Variants in PPP5C observed in about 807,000 individuals in gnomAD.
PPP5C encodes the protein protein phosphatase 5 catalytic subunit.
PPP5C carries 21 observed loss-of-function variants against 66.7 expected under a neutral mutation model. That is an observed-to-expected ratio of 0.31 (90% CI 0.22 to 0.45). The LOEUF (loss-of-function observed/expected upper bound fraction) is 0.45, where lower values mean the gene tolerates loss of function less well. Among genes scored for constraint, PPP5C ranks in the 20% least tolerant of loss-of-function variants. The probability of loss-of-function intolerance (pLI) is 1.00; values close to 1 mark genes in which losing one functional copy is unlikely to be tolerated. For missense variants in PPP5C, 464 were observed against 675.9 expected (o/e 0.69, Z 3.48); for synonymous variants, 246 against 257.4 (o/e 0.96, Z 0.43).
chr19:46,351,982 C>G (rs1972194558), intron 1 of PPP5C, among the ~76,000 whole-genome samples: 1 of 152,236 alleles, frequency 6.6e-6, no homozygotes, highest in Non-Finnish European at 1.5e-5. Flanking sequence ...TAGATTGTTG[C>G]TGGCCACATC....
rs574884152 is a variant in PPP5C at position 46,378,830 on chromosome 19, T to C, written c.633+2256T>C. 9.6e-4 allele frequency among the ~76,000 whole-genome samples: 146 copies of C among 152,356 alleles called. 1 individual carries two copies. The highest frequency in any genetic ancestry group is 3.3e-3 in the African/African-American group (138 of 41,588). ...TTGGTATCTTTATATTTAAAATGTT[T>C]TTCTTATAAACAGCATATACTTGGG... On this transcript the variant is annotated intron_variant, in intron 4 of 12. Coordinates refer to ENST00000012443, the MANE Select transcript of PPP5C (RefSeq NM_006247.4).
At chr19:46,367,103 AC>A (rs1203997720) in intron 2 of PPP5C, among the ~76,000 whole-genome samples, 5 of 152,152 alleles carry the variant, frequency 3.3e-5, no homozygotes, top group Non-Finnish European at 7.4e-5. Context: ...AGGCTATATA[AC>A]TGCATTCACT....
At chr19:46,359,139 A>G (rs1972337917) in intron 2 of PPP5C, among the ~76,000 whole-genome samples, 1 of 152,102 alleles carries the variant, frequency 6.6e-6, no homozygotes, top group African/African-American at 2.4e-5. Flanking sequence ...GGCCTGTTCT[A>G]TGTTGGGGAG....
rs753540087 is a variant in PPP5C, at chr19:46,388,698, G to T, written c.1322G>T (p.Arg441Leu). 3 of 1,613,948 alleles carry T rather than the reference G, an allele frequency of 1.9e-6. No individual in the cohort carries two copies. The highest frequency in any genetic ancestry group is 2.5e-6 in the Non-Finnish European group (3 of 1,180,012). Reference sequence around the variant, plus strand: ...GGCTACGAGGTGGCTCACGGAGGCCGCTGTGTCACCGTCTTCTCTGCCCCC... The same window carrying T: ...GGCTACGAGGTGGCTCACGGAGGCCTCTGTGTCACCGTCTTCTCTGCCCCC... ...AEGYEVAHGG[R>L]CVTVFSAPNY... is the part of the protein sequence containing the mutation. Residue 441 changes from arginine to leucine, a missense_variant, in exon 11 of 13, where the codon CGC becomes CTC. Arg to Leu is a moderately radical substitution (Grantham distance 102). Transcript: ENST00000012443. The surrounding 1 kb of genome is among the most constrained non-coding windows in gnomAD (Gnocchi z 4.9).
Position 46,390,530 on chromosome 19 carries a change from AG to A in PPP5C, c.*187del. 1.4e-6 allele frequency: 2 copies of A among 1,420,594 alleles called. No homozygotes were observed. Among genetic ancestry groups the A allele is most frequent in the South Asian group, 1.4e-5 (1 of 70,948 alleles). The allele number at this position is 1,420,594 out of a possible 1,614,324, so 88.0% of individuals were successfully genotyped here. A position where few individuals can be genotyped will look rare whatever the true frequency, so the allele number is the denominator to read the frequency against. Reference sequence around the variant, plus strand: ...AGGGGCAGAGTCAGGGGCTGGCCAGAGGGTCTGCTCCCTGGACAGAGAGGAA... The same window carrying A: ...AGGGGCAGAGTCAGGGGCTGGCCAGAGGTCTGCTCCCTGGACAGAGAGGAA... On this transcript the variant is annotated 3_prime_UTR_variant, in exon 13 of 13. Transcript: ENST00000012443.
At chr19:46,387,551 C>G in intron 9 of PPP5C, 98 bp downstream of exon 9, 7 of 1,599,834 alleles carry the variant, frequency 4.4e-6, no homozygotes, top group Non-Finnish European at 6.0e-6. Context: ...GGGCTTTGTG[C>G]CCTTGGCAAG....
chr19:46,351,710 C>T (rs1396752608), intron 1 of PPP5C, among the ~76,000 whole-genome samples: 1 of 152,246 alleles, frequency 6.6e-6, no homozygotes. Context: ...TCGGTCAGAT[C>T]TGGGCTGCCC....
At chr19:46,384,380 G>A (rs919925410) in intron 6 of PPP5C, 4 of 253,100 alleles carry the variant, frequency 1.6e-5, no homozygotes, top group East Asian at 9.1e-5. Context: ...GTATTTCCCC[G>A]TGTTATGGTA....
intron 1 of PPP5C, among the ~76,000 whole-genome samples, chr19:46,350,986 G>A (rs976540478): frequency 6.6e-6 from 1 of 152,164 alleles, no homozygotes; most frequent in Non-Finnish European, 1.5e-5. Context: ...CCTGGGGGCA[G>A]AGCCTCGTCC....
At position 46,353,989 on chromosome 19, in the gene PPP5C, G is replaced by A. The variant is rs1305514355; in HGVS notation, c.363G>A (p.Thr121=). 2 of 1,610,780 alleles carry A rather than the reference G, an allele frequency of 1.2e-6. No homozygotes were observed. Among genetic ancestry groups the A allele is most frequent in the East Asian group, 2.2e-5 (1 of 44,762 alleles). Residue 121 remains threonine, a splice_region_variant and synonymous_variant, in exon 2 of 13, where the codon ACG becomes ACA. Transcript: ENST00000012443. ...GGGCCGCGCTGCGAGACTACGAGACGGTGAGCTGGGGAGTGGGCCAGGCCT... is the reference window on the plus strand; with the variant it reads ...GGGCCGCGCTGCGAGACTACGAGACAGTGAGCTGGGGAGTGGGCCAGGCCT... ...KFRAALRDYE[T]VVKVKPHDKD...
chr19:46,366,583 C>T (rs1972495319), intron 2 of PPP5C, among the ~76,000 whole-genome samples: 1 of 152,096 alleles, frequency 6.6e-6, no homozygotes, highest in Non-Finnish European at 1.5e-5. Context: ...TGGACTTCTG[C>T]CTCAGCCTCC....
At chr19:46,387,278 C>T in intron 8 of PPP5C, 43 bp downstream of exon 8, 1 of 1,613,656 alleles carries the variant, frequency 6.2e-7, no homozygotes, top group Non-Finnish European at 8.5e-7. Flanking sequence ...CCCACCCAGC[C>T]ACACCTGGGC....
chr19:46,353,710 T>C, intron 1 of PPP5C, 38 bp from the exon 2 acceptor site: 1 of 1,612,712 alleles, frequency 6.2e-7, no homozygotes, highest in Non-Finnish European at 8.5e-7. Flanking sequence ...CTCGCAGGGT[T>C]GGAGCACTGC....
intron 1 of PPP5C, 44 bp from the exon 2 acceptor site, chr19:46,353,704 C>G: frequency 1.2e-6 from 2 of 1,610,474 alleles, no homozygotes; most frequent in Non-Finnish European, 1.7e-6. Flanking sequence ...CCTGTCCTCG[C>G]AGGGTTGGAG....
intron 2 of PPP5C, among the ~76,000 whole-genome samples, chr19:46,375,258 C>T (rs1439656183): frequency 6.6e-6 from 1 of 152,188 alleles, no homozygotes; most frequent in Admixed American, 6.5e-5. Flanking sequence ...TTGGTAGTCA[C>T]GATAGTAGCA....
intron 2 of PPP5C, among the ~76,000 whole-genome samples, chr19:46,359,442 T>TAAAAAC (rs1420843169): frequency 7.2e-5 from 11 of 152,206 alleles, no homozygotes; most frequent in Non-Finnish European, 1.3e-4. Context: ...GGGAGCCAGC[T>TAAAAAC]AAAAACATGA....
rs1972966683 is a variant in PPP5C at position 46,389,434 on chromosome 19, CACACACACACACACACACACACACA to C, written c.1356-616_1356-592del. Among the ~76,000 whole-genome samples the C allele has an allele frequency of 2.4e-4, 21 of 86,582 alleles. 2 individuals carry two copies. Among genetic ancestry groups the C allele is most frequent in the African/African-American group, 8.9e-4 (18 of 20,156 alleles). The allele number at this position is 86,582 out of a possible 152,430, so 56.8% of individuals were successfully genotyped here. A position where few individuals can be genotyped will look rare whatever the true frequency, so the allele number is the denominator to read the frequency against. On this transcript the variant is annotated intron_variant, in intron 11 of 12. Coordinates refer to ENST00000012443, the MANE Select transcript of PPP5C (RefSeq NM_006247.4). ...ACACACACACACACACACACACACA[CACACACACACACACACACACACACA>C]CAGTGTTGATCCCTTGCCCCCACCC...
At chr19:46,372,864 G>A (rs1294300791) in intron 2 of PPP5C, among the ~76,000 whole-genome samples, 1 of 152,186 alleles carries the variant, frequency 6.6e-6, no homozygotes, top group East Asian at 1.9e-4. Flanking sequence ...GCCTTCAGGA[G>A]CTGAGTCCCT....
chr19:46,367,847 A>G (rs1363500238), intron 2 of PPP5C, among the ~76,000 whole-genome samples: 1 of 152,208 alleles, frequency 6.6e-6, no homozygotes, highest in Admixed American at 6.5e-5. Flanking sequence ...CGCCCCAGTC[A>G]GAATAAGGGC....
Sources: gnomAD v4.1 joint callset for allele counts (sites outside exome capture counted in the v4.1 genomes callset) on GRCh38, gnomAD v4.1.1 for gene constraint, Gnocchi (gnomAD v3.1) non-coding constraint, MANE v1.5 for transcripts, NCBI Gene and HGNC (gene_info 2026-07-23, HGNC 2026-07-21) for gene names.